The following FGA variants were observed in gnomAD, a reference collection of about 807,000 sequenced individuals.
The protein encoded by FGA is fibrinogen, A alpha polypeptide.
Under a neutral mutation model 20.3 loss-of-function variants are expected in FGA, and 20 were observed. The ratio of observed to expected loss-of-function variants is 0.99; its 90% CI spans 0.69 to 1.43. FGA has a LOEUF of 1.43. FGA is among the 40% of genes most tolerant of loss of function. FGA has a pLI of 0.00. For missense variants in FGA, 777 were observed against 784.7 expected (o/e 0.99, Z 0.12); for synonymous variants, 306 against 281.6 (o/e 1.09, Z -0.87).
At position 154,585,993 on chromosome 4, in the gene FGA, G is replaced by A; in HGVS notation, c.1436C>T (p.Thr479Ile). The A allele has an allele frequency of 6.2e-7, 1 of 1,614,104 alleles. No individual in the cohort carries two copies. The highest frequency in any genetic ancestry group is 8.5e-7 in the Non-Finnish European group (1 of 1,179,964). ...ATCTTCGGAGGTCACCACTTCTTTG[G>A]TAACTTCTTTGTGACCATCAGGACC... ...VIGPDGHKEV[T>I]KEVVTSEDGS... Residue 479 changes from threonine to isoleucine, a missense_variant, in exon 5 of 5, where the codon ACC (threonine) becomes ATC (isoleucine). Physicochemically the swap from Thr to Ile is moderately conservative, Grantham distance 89. Coordinates refer to ENST00000403106, the MANE Select transcript of FGA (RefSeq NM_021871.4).
At chr4:154,587,795 G>GAAAGAA in intron 3 of FGA, 138 bp from the exon 4 acceptor site, 1 of 692,900 alleles carries the variant, frequency 1.4e-6, no homozygotes, top group Non-Finnish European at 2.4e-6. Context: ...AAGAAAGAAA[G>GAAAGAA]AAAGAAAGAG....
chr4:154,585,463 G>A lies in FGA; in HGVS notation c.*31C>T. 1 of 1,419,860 alleles carries A rather than the reference G, an allele frequency of 7.0e-7. No individual in the cohort carries two copies. Among genetic ancestry groups the A allele is most frequent in the Non-Finnish European group, 1.0e-6 (1 of 1,004,512 alleles). 88.0% of individuals were successfully genotyped at this position (1,419,860 alleles called of 1,614,324 possible). A position where few individuals can be genotyped will look rare whatever the true frequency, so the allele number is the denominator to read the frequency against. ...TTAAGAAGGAAATGCAAGGGGCCATGGGAACACTGTGCAGAAATATTTAAC... is the reference window on the plus strand; with the variant it reads ...TTAAGAAGGAAATGCAAGGGGCCATAGGAACACTGTGCAGAAATATTTAAC... On this transcript the variant is annotated 3_prime_UTR_variant, in exon 5 of 5. Coordinates refer to ENST00000403106, the MANE Select transcript of FGA (RefSeq NM_021871.4).
At position 154,585,828 on chromosome 4, in the gene FGA, G is replaced by A; in HGVS notation, c.1601C>T (p.Ser534Leu). ...ACTGACAAACTCTCCTAACATAGGT[G>A]AGAAGAAACCTGGGAATGTTTTTCC... Reference protein sequence around the residue: ...STGKTFPGFFSPMLGEFVSET... With the variant: ...STGKTFPGFFLPMLGEFVSET... The change falls in exon 5 of 5, where the codon TCA becomes TTA. Residue 534 changes from serine (S) to leucine (L), a missense_variant. Physicochemically the swap from Ser to Leu is moderately radical, Grantham distance 145 (BLOSUM62 -2). Transcript: ENST00000403106. 1.2e-6 allele frequency: 2 copies of A among 1,614,182 alleles called. No homozygotes were observed. The highest frequency in any genetic ancestry group is 1.7e-6 in the Non-Finnish European group (2 of 1,180,032).
rs1390624506 is a variant in FGA, at chr4:154,586,843, C to T, written c.586G>A (p.Asp196Asn). ...RALAREVDLK[D>N]YEDQQKQLEQ... ...AGTTGCTTCTGCTGATCTTCATAGT[C>T]CTTCAGATCTACTTCACGAGCTAAA... The change falls in exon 5 of 5, where the codon GAC (aspartate) becomes AAC (asparagine). Residue 196 changes from aspartate to asparagine, a missense_variant. Physicochemically the swap from Asp to Asn is conservative, Grantham distance 23. Coordinates refer to ENST00000403106, the MANE Select transcript of FGA (RefSeq NM_021871.4). 1 of 1,614,014 alleles carries T rather than the reference C, an allele frequency of 6.2e-7. No individual in the cohort carries two copies. Among genetic ancestry groups the T allele is most frequent in the African/African-American group, 1.3e-5 (1 of 74,912 alleles).
At chr4:154,589,926 A>G (rs1730829088) in intron 1 of FGA, among the ~76,000 whole-genome samples, 1 of 152,246 alleles carries the variant, frequency 6.6e-6, no homozygotes, top group African/African-American at 2.4e-5. Flanking sequence ...ATGACTGCAG[A>G]CAGAAAGTTG....
At position 154,585,906 on chromosome 4, in the gene FGA, C is replaced by A; in HGVS notation, c.1523G>T (p.Gly508Val). Reference sequence around the variant, plus strand: ...TTCATCAGGGTGCCTATGGCGGAACCCATCCAGAGTACCTATGCCAGACAA... The same window carrying A: ...TTCATCAGGGTGCCTATGGCGGAACACATCCAGAGTACCTATGCCAGACAA... ...GTLSGIGTLD[G>V]FRHRHPDEAA... is the part of the protein sequence containing the mutation. Residue 508 changes from glycine (G) to valine (V), a missense_variant, in exon 5 of 5, where the codon GGG (glycine) becomes GTG (valine). Transcript: ENST00000403106. 1.2e-6 allele frequency: 2 copies of A among 1,614,014 alleles called. No homozygotes were observed. Among genetic ancestry groups the A allele is most frequent in the East Asian group, 2.2e-5 (1 of 44,876 alleles).
In FGA at chr4:154,588,816, C is replaced by G; in HGVS notation, c.341G>C (p.Arg114Thr). ...SLTTNIMEIL[R>T]GDFSSANNRD... is the part of the protein sequence containing the mutation. ...ACTATTGGCTGAGGAAAAATCGCCT[C>G]TCAAAATTTCCATTATATTAGTGGT... The change falls in exon 3 of 5, where the codon AGA becomes ACA. Residue 114 changes from arginine to threonine, a missense_variant. Arg to Thr is a moderately conservative substitution (Grantham distance 71). Transcript: ENST00000403106. 6.2e-7 allele frequency: 1 copy of G among 1,611,550 alleles called. No individual in the cohort carries two copies. Among genetic ancestry groups the G allele is most frequent in the South Asian group, 1.1e-5 (1 of 90,970 alleles).
At chr4:154,588,620 A>T (rs1224507978) in intron 3 of FGA, among the ~76,000 whole-genome samples, 173 bp downstream of exon 3, 1 of 152,186 alleles carries the variant, frequency 6.6e-6, no homozygotes, top group South Asian at 2.1e-4. Flanking sequence ...ACTTTGAAAA[A>T]ATAACGAAAA....
At position 154,589,491 on chromosome 4, in the gene FGA, T is replaced by A. The variant is rs772612419; in HGVS notation, c.126A>T (p.Arg42Ser). 6.2e-7 allele frequency: 1 copy of A among 1,614,120 alleles called. No homozygotes were observed. The highest frequency in any genetic ancestry group is 8.5e-7 in the Non-Finnish European group (1 of 1,180,002). The change falls in exon 2 of 5, where the codon AGA becomes AGT. Residue 42 changes from arginine (R) to serine (S), a missense_variant. Transcript: ENST00000403106. ...GGVRGPRVVERHQSACKDSDW... is the reference protein window; with the variant it reads ...GGVRGPRVVESHQSACKDSDW... ...CTGAATCTTTGCAGGCAGATTGATG[T>A]CTTTCCACAACCCTTGGGCCACGCA...
At chr4:154,583,925 A>C, downstream of FGA, 1 of 594,416 alleles carries the variant, frequency 1.7e-6, no homozygotes, top group South Asian at 2.0e-5. Context: ...GAGCTATTTA[A>C]AGATAAAAAA....
intron 4 of FGA, 126 bp from the exon 5 acceptor site, chr4:154,587,044 C>T (rs1730745974): frequency 2.2e-6 from 2 of 893,030 alleles, no homozygotes; most frequent in African/African-American, 1.7e-5. Flanking sequence ...CGGAGACCTA[C>T]CACTTAATAT....
In FGA at chr4:154,586,129, C is replaced by G. The variant is rs1009160284; in HGVS notation, c.1300G>C (p.Val434Leu). The part of the protein sequence containing the change: ...TRREYHTEKL[V>L]TSKGDKELRT... ...AGCTCTTTATCTCCTTTAGAAGTGA[C>G]CAGTTTTTCTGTGTGGTACTCTCTC... The change falls in exon 5 of 5, where the codon GTC becomes CTC. Residue 434 changes from valine to leucine, a missense_variant. By Grantham distance (32) the Val-to-Leu change is conservative. Transcript: ENST00000403106. 11 of 1,614,014 alleles carry G rather than the reference C, an allele frequency of 6.8e-6. No individual in the cohort carries two copies. The highest frequency in any genetic ancestry group is 1.3e-5 in the African/African-American group (1 of 74,900).
chr4:154,587,432 G>T, intron 4 of FGA, 80 bp downstream of exon 4: 1 of 1,241,506 alleles, frequency 8.1e-7, no homozygotes, highest in South Asian at 1.2e-5. Flanking sequence ...GCATATAGTA[G>T]ACACTCAGTG....
At chr4:154,590,494 C>G in intron 1 of FGA, 140 bp downstream of exon 1, 1 of 742,926 alleles carries the variant, frequency 1.3e-6, no homozygotes, top group East Asian at 2.7e-5. Flanking sequence ...GTCAAGCCCA[C>G]CCAGGAAATT....
chr4:154,587,885 A>G (rs979034065), intron 3 of FGA, among the ~76,000 whole-genome samples: 2 of 152,236 alleles, frequency 1.3e-5, no homozygotes, highest in Non-Finnish European at 1.5e-5. Context: ...TTCAAAACCT[A>G]TGGGGCATTT....
At chr4:154,587,190 C>T (rs775004982) in intron 4 of FGA, among the ~76,000 whole-genome samples, 6 of 152,110 alleles carry the variant, frequency 3.9e-5, no homozygotes, top group Non-Finnish European at 7.4e-5. Flanking sequence ...TATTCCCTCT[C>T]AAAGGAAACG....
At chr4:154,590,452 C>T (rs1730841198) in intron 1 of FGA, among the ~76,000 whole-genome samples, 182 bp downstream of exon 1, 1 of 152,174 alleles carries the variant, frequency 6.6e-6, no homozygotes, top group Non-Finnish European at 1.5e-5. Context: ...AGATCTTCCT[C>T]TTGGTGTCAT....
rs774723861 is a variant in FGA at position 154,588,973 on chromosome 4, A to T, written c.184T>A (p.Tyr62Asn). 6.2e-7 allele frequency: 1 copy of T among 1,612,192 alleles called. No individual in the cohort carries two copies. The highest frequency in any genetic ancestry group is 8.5e-7 in the Non-Finnish European group (1 of 1,178,396). Residue 62 changes from tyrosine (Y) to asparagine (N), a missense_variant, in exon 3 of 5, where the codon TAC becomes AAC. Transcript: ENST00000403106. ...WPFCSDEDWN[Y>N]KCPSGCRMKG... ...ATCCTGCAGCCAGAAGGGCATTTGT[A>T]GTTCTGAAAGTGAAGGGAGAAAATT...
chr4:154,587,946 A>G (rs1415034461), intron 3 of FGA, among the ~76,000 whole-genome samples: 1 of 152,196 alleles, frequency 6.6e-6, no homozygotes, highest in Non-Finnish European at 1.5e-5. Flanking sequence ...GCCAGTTAAG[A>G]TGTCCTAATA....
Sources: gnomAD v4.1 joint callset for allele counts (sites outside exome capture counted in the v4.1 genomes callset) on GRCh38, gnomAD v4.1.1 for gene constraint, MANE v1.5 for transcripts, NCBI Gene and HGNC (gene_info 2026-07-23, HGNC 2026-07-21) for gene names.